Variants in FAM227A observed in about 807,000 individuals in gnomAD.
FAM227A encodes family with sequence similarity 227 member A.
In FAM227A, 80 loss-of-function variants were observed where a neutral mutation model predicts 74.7. The ratio of observed to expected loss-of-function variants is 1.07; its 90% CI spans 0.89 to 1.29. The LOEUF (loss-of-function observed/expected upper bound fraction) is 1.29. Among genes scored for constraint, FAM227A ranks in the 50% most tolerant of loss-of-function variants. FAM227A has a pLI of 0.00. For synonymous variants in FAM227A, 237 were observed against 241.8 expected (o/e 0.98, Z 0.19); for missense variants, 654 against 683.4 (o/e 0.96, Z 0.48).
rs1288918931 is a variant in FAM227A at position 38,578,323 on chromosome 22, T to C, written c.*7802A>G. On this transcript the variant is annotated 3_prime_UTR_variant, in exon 17 of 17. Coordinates refer to ENST00000535113, the MANE Select transcript of FAM227A (RefSeq NM_001013647.2). ...TTATAATCTTATGGGACCACCGTCA[T>C]ATATTCAGTCAGCTGCTGACTGAAA... 6.6e-6 allele frequency: 1 copy of C among 152,216 alleles called. No individual in the cohort carries two copies. Among genetic ancestry groups the C allele is most frequent in the African/African-American group, 2.4e-5 (1 of 41,462 alleles). 9.4% of individuals were successfully genotyped at this position (152,216 alleles called of 1,614,324 possible).
At chr22:38,610,459 A>C (rs1468203012) in intron 11 of FAM227A, among the ~76,000 whole-genome samples, 2 of 152,128 alleles carry the variant, frequency 1.3e-5, no homozygotes, top group Non-Finnish European at 2.9e-5. Flanking sequence ...ATGCAGAGAG[A>C]GCTCAGACTG....
At chr22:38,645,722 G>T in intron 2 of FAM227A, 77 bp from the exon 3 acceptor site, 1 of 849,746 alleles carries the variant, frequency 1.2e-6, no homozygotes, top group South Asian at 1.6e-5. Flanking sequence ...TGGTGAGAAG[G>T]GCAGCCCCTG....
At chr22:38,606,017 C>T (rs2091274905) in intron 12 of FAM227A, among the ~76,000 whole-genome samples, 1 of 152,108 alleles carries the variant, frequency 6.6e-6, no homozygotes, top group Non-Finnish European at 1.5e-5. Context: ...ATTACCAGGG[C>T]TAGACTAACA....
chr22:38,644,763 G>T (rs950832855), intron 3 of FAM227A, among the ~76,000 whole-genome samples: 1 of 152,170 alleles, frequency 6.6e-6, no homozygotes. Context: ...CTCTCTGCTC[G>T]ATTTCGCTGT....
At chr22:38,641,410 G>A (rs1273885007) in intron 3 of FAM227A, among the ~76,000 whole-genome samples, 3 of 151,998 alleles carry the variant, frequency 2.0e-5, no homozygotes, top group Non-Finnish European at 2.9e-5. Flanking sequence ...AAATTAGCCG[G>A]GCGTGGTGGC....
chr22:38,609,448 A>G (rs992546431), intron 11 of FAM227A, among the ~76,000 whole-genome samples: 4 of 152,186 alleles, frequency 2.6e-5, no homozygotes, highest in African/African-American at 7.2e-5. Flanking sequence ...AGAGCGAAGA[A>G]CGCTGGATTC....
At chr22:38,621,535 G>T (rs1218416512) in intron 10 of FAM227A, among the ~76,000 whole-genome samples, 1 of 152,070 alleles carries the variant, frequency 6.6e-6, no homozygotes, top group African/African-American at 2.4e-5. Flanking sequence ...AACCTGGGAG[G>T]TGGAGGTTGC....
chr22:38,586,333 CT>C (rs2090808332), intron 16 of FAM227A, 134 bp from the exon 17 acceptor site: 1 of 994,350 alleles, frequency 1.0e-6, no homozygotes, highest in Non-Finnish European at 1.4e-6. Flanking sequence ...GTGCTCCTGC[CT>C]CCAGAGAAAG....
intron 3 of FAM227A, 55 bp from the exon 4 acceptor site, chr22:38,639,779 G>A: frequency 3.9e-6 from 5 of 1,267,528 alleles, no homozygotes; most frequent in Non-Finnish European, 5.6e-6. Flanking sequence ...TCCTGGAGAA[G>A]GGTGGGGTTA....
intron 4 of FAM227A, among the ~76,000 whole-genome samples, chr22:38,639,204 G>A (rs1603045588): frequency 6.6e-6 from 1 of 152,232 alleles, no homozygotes; most frequent in Middle Eastern, 3.4e-3. Context: ...GAGGCCAGGA[G>A]TTCAAGAACA....
At chr22:38,629,047 C>T in intron 6 of FAM227A, 112 bp from the exon 7 acceptor site, 2 of 643,882 alleles carry the variant, frequency 3.1e-6, no homozygotes, top group African/African-American at 1.9e-5. Context: ...TTAGTGAGGC[C>T]CTACCCAGGT....
At chr22:38,596,510 C>T (rs1238211800) in intron 15 of FAM227A, among the ~76,000 whole-genome samples, 1 of 152,134 alleles carries the variant, frequency 6.6e-6, no homozygotes, top group African/African-American at 2.4e-5. Flanking sequence ...TGAGCTGCTG[C>T]ACTGCAGCCC....
Position 38,631,629 on chromosome 22 carries a change from C to T in FAM227A, c.520-2694G>A, listed in dbSNP as rs145445228. On this transcript the variant is annotated intron_variant, in intron 6 of 16. Transcript: ENST00000535113. ...AGCGTGTGCAGAGGCTATGGAAGCA[C>T]TTGACACATGTGGGGTACTCCAAGG... Among the ~76,000 whole-genome samples the T allele has an allele frequency of 1.2e-3, 177 of 152,240 alleles. 4 individuals are homozygous for T. In the East Asian group the frequency reaches 0.03, roughly 26 times the overall value.
Position 38,582,645 on chromosome 22 carries a change from G to C in FAM227A, c.*3480C>G, listed in dbSNP as rs1602806411. 1 of 747,402 alleles carries C rather than the reference G, an allele frequency of 1.3e-6. No individual in the cohort carries two copies. The highest frequency in any genetic ancestry group is 2.7e-5 in the East Asian group (1 of 37,224). 46.3% of individuals were successfully genotyped at this position (747,402 alleles called of 1,614,324 possible). ...TCAGTCATTTCTGGAAAGGGTCCAT[G>C]CAGGGATGATCTTGGACTGTGCAAC... On this transcript the variant is annotated 3_prime_UTR_variant, in exon 17 of 17. Coordinates refer to ENST00000535113, the MANE Select transcript of FAM227A (RefSeq NM_001013647.2).
intron 11 of FAM227A, among the ~76,000 whole-genome samples, chr22:38,607,712 A>T (rs1298153951): frequency 6.6e-6 from 1 of 152,200 alleles, no homozygotes; most frequent in Non-Finnish European, 1.5e-5. Flanking sequence ...CCAGGGTTCC[A>T]GTCCCAATTC....
intron 6 of FAM227A, among the ~76,000 whole-genome samples, chr22:38,633,285 G>A (rs1349666519): frequency 2.6e-5 from 4 of 152,092 alleles, no homozygotes; most frequent in Non-Finnish European, 4.4e-5. Context: ...AAACCATTCC[G>A]GGAGTTGCAC....
At chr22:38,598,957 CTTT>C (rs71197121) in intron 14 of FAM227A, among the ~76,000 whole-genome samples, 4 of 136,242 alleles carry the variant, frequency 2.9e-5, no homozygotes, top group Non-Finnish European at 3.2e-5. Context: ...TGTTTTCTTT[CTTT>C]TTTTTTTTTT....
chr22:38,619,543 T>C (rs1278435031), intron 11 of FAM227A, among the ~76,000 whole-genome samples: 2 of 152,174 alleles, frequency 1.3e-5, no homozygotes, highest in African/African-American at 4.8e-5. Context: ...AGACTGGTCT[T>C]GGACTCCTGG....
At chr22:38,627,000 G>A (rs978914447) in intron 8 of FAM227A, among the ~76,000 whole-genome samples, 1 of 148,556 alleles carries the variant, frequency 6.7e-6, no homozygotes, top group Non-Finnish European at 1.5e-5. Context: ...AGGAGGCTGA[G>A]GTAGGGGGAT....
Sources: allele counts gnomAD v4.1 joint callset (sites outside exome capture counted in the v4.1 genomes callset), GRCh38; gene constraint gnomAD v4.1.1; transcripts MANE v1.5; gene names NCBI Gene and HGNC (gene_info 2026-07-23, HGNC 2026-07-21).